The following HNF4G variants were observed in gnomAD, a reference collection of about 807,000 sequenced individuals.
The protein encoded by HNF4G is hepatocyte nuclear factor 4 gamma.
Under a neutral mutation model 50.9 loss-of-function variants are expected in HNF4G, and 21 were observed. That is an observed-to-expected ratio of 0.41 (90% CI 0.29 to 0.59). The LOEUF is 0.59. HNF4G is among the 20% of genes least tolerant of loss of function. The pLI is 0.26. For synonymous variants in HNF4G, 198 were observed against 185.6 expected, an observed-to-expected ratio of 1.07 and a Z score of -0.54; for missense variants, 527 against 559.4, an observed-to-expected ratio of 0.94 and a Z score of 0.58.
chr8:75,496,620 TA>T (rs1279938557), intron 2 of HNF4G, among the ~76,000 whole-genome samples: 1 of 151,956 alleles, frequency 6.6e-6, no homozygotes, highest in Non-Finnish European at 1.5e-5. Context: ...CTTAATTTAT[TA>T]AAAAAAGAAT....
chr8:75,441,969 G>A (rs1179185522), intron 1 of HNF4G, among the ~76,000 whole-genome samples: 1 of 152,120 alleles, frequency 6.6e-6, no homozygotes, highest in African/African-American at 2.4e-5. Flanking sequence ...TTACTATAAA[G>A]TAGAGAAAAT....
At chr8:75,552,888 T>C (rs1807000760) in intron 4 of HNF4G, among the ~76,000 whole-genome samples, 154 bp from the exon 5 acceptor site, 1 of 152,158 alleles carries the variant, frequency 6.6e-6, no homozygotes, top group African/African-American at 2.4e-5. Context: ...CAGTATTTCA[T>C]TTTTCAATTT....
intron 1 of HNF4G, among the ~76,000 whole-genome samples, chr8:75,456,874 G>A (rs1008229081): frequency 6.6e-6 from 1 of 151,702 alleles, no homozygotes; most frequent in African/African-American, 2.4e-5. Flanking sequence ...CTGAGTAGCT[G>A]GGACCCCAGA....
In HNF4G at chr8:75,481,484, G is replaced by GT. The variant is rs757058729; in HGVS notation, c.-143-8604dup. 3.7e-5 allele frequency among the ~76,000 whole-genome samples: 5 copies of GT among 133,766 alleles called. No homozygotes were observed. In the East Asian group the frequency reaches 8.4e-4, roughly 23 times the overall value. 87.8% of individuals were successfully genotyped at this position (133,766 alleles called of 152,430 possible). On this transcript the variant is annotated intron_variant, in intron 1 of 10. Transcript: ENST00000354370. ...TTCGTTCCCTGGAATTTTGAAAACA[G>GT]TAAGTTAGTATTATTTTTGAGCACT...
chr8:75,477,658 A>G (rs1344542543), intron 1 of HNF4G, among the ~76,000 whole-genome samples: 5 of 151,690 alleles, frequency 3.3e-5, no homozygotes, highest in African/African-American at 7.3e-5. Flanking sequence ...AAAAATATAT[A>G]TATAAATATA....
chr8:75,503,643 GT>G (rs1472627481), intron 2 of HNF4G, among the ~76,000 whole-genome samples: 3 of 152,180 alleles, frequency 2.0e-5, no homozygotes, highest in African/African-American at 7.2e-5. Flanking sequence ...AATCAGTGTT[GT>G]ACCTATAAAT....
chr8:75,465,941 G>A (rs1333330112), intron 1 of HNF4G, among the ~76,000 whole-genome samples: 5 of 152,042 alleles, frequency 3.3e-5, no homozygotes, highest in Non-Finnish European at 7.4e-5. Context: ...TTCCTTCCTA[G>A]TCACAGGTTA....
At chr8:75,497,179 G>C (rs1429305417) in intron 2 of HNF4G, among the ~76,000 whole-genome samples, 1 of 152,042 alleles carries the variant, frequency 6.6e-6, no homozygotes, top group Non-Finnish European at 1.5e-5. Context: ...TCTATTGGCA[G>C]AAAAGGTGGG....
intron 2 of HNF4G, among the ~76,000 whole-genome samples, chr8:75,532,372 C>T (rs1377890046): frequency 2.0e-5 from 3 of 151,950 alleles, no homozygotes; most frequent in Non-Finnish European, 2.9e-5. Flanking sequence ...ATACTGGTGA[C>T]ATTGCATACT....
chr8:75,425,687 A>T lies in HNF4G; in HGVS notation c.-144+17525A>T, dbSNP rs572531552. Among the ~76,000 whole-genome samples, 1,176 of 151,348 alleles carry T rather than the reference A, an allele frequency of 7.8e-3. 20 individuals carry two copies. The highest frequency in any genetic ancestry group is 0.026 in the African/African-American group (1,083 of 41,360). Reference sequence around the variant, plus strand: ...TACCCAAAAGTATCACTGGGCTCCTAACCAGGCAAAGATTAATTTCGCCTA... The same window carrying T: ...TACCCAAAAGTATCACTGGGCTCCTTACCAGGCAAAGATTAATTTCGCCTA... On this transcript the variant is annotated intron_variant, in intron 1 of 10. Coordinates refer to the HNF4G transcript ENST00000354370.
chr8:75,489,416 T>C (rs1812568708), intron 1 of HNF4G, among the ~76,000 whole-genome samples: 1 of 152,216 alleles, frequency 6.6e-6, no homozygotes, highest in South Asian at 2.1e-4. Context: ...AGAGATAAAC[T>C]GAACCTCATC....
chr8:75,480,518 C>A (rs1204419614), intron 1 of HNF4G, among the ~76,000 whole-genome samples: 3 of 152,082 alleles, frequency 2.0e-5, no homozygotes, highest in Non-Finnish European at 4.4e-5. Context: ...GTAAGTCCAA[C>A]TTTATTAATT....
intron 1 of HNF4G, among the ~76,000 whole-genome samples, chr8:75,454,264 G>A (rs761616916): frequency 2.3e-4 from 35 of 152,232 alleles, no homozygotes; most frequent in Non-Finnish European, 2.5e-4. Context: ...CAAGAACCGA[G>A]AGAAATAAAA....
rs552355213 is a variant in HNF4G at position 75,442,222 on chromosome 8, A to G, written c.-144+34060A>G. Among the ~76,000 whole-genome samples the G allele has an allele frequency of 1.7e-4, 26 of 152,294 alleles. No individual in the cohort carries two copies. In the South Asian group the frequency reaches 5.4e-3, roughly 32 times the overall value. The stretch of plus-strand genomic sequence containing the variant: ...AGAGAGTGGAGATTTAATCAAGTTA[A>G]GGTACCCAGGGCACATCGAAATTAC... On this transcript the variant is annotated intron_variant, in intron 1 of 10. Coordinates refer to the HNF4G transcript ENST00000354370.
intron 1 of HNF4G, among the ~76,000 whole-genome samples, chr8:75,459,645 C>T (rs1811800266): frequency 6.6e-6 from 1 of 152,028 alleles, no homozygotes; most frequent in African/African-American, 2.4e-5. Flanking sequence ...CATGTGAAAC[C>T]CAGGAGCTAA....
At chr8:75,431,960 C>T (rs1040224093) in intron 1 of HNF4G, among the ~76,000 whole-genome samples, 14 of 151,882 alleles carry the variant, frequency 9.2e-5, no homozygotes, top group African/African-American at 3.4e-4. Context: ...AAAATAGATG[C>T]TAAGTGCAGT....
intron 1 of HNF4G, among the ~76,000 whole-genome samples, chr8:75,422,715 G>T (rs1810801437): frequency 6.6e-6 from 1 of 151,248 alleles, no homozygotes; most frequent in African/African-American, 2.4e-5. Flanking sequence ...CTCACTGCAA[G>T]CTCCGCCTCC....
chr8:75,566,590 T>C lies in HNF4G; in HGVS notation c.*2494T>C, dbSNP rs1228904664. On this transcript the variant is annotated 3_prime_UTR_variant, in exon 10 of 10. Coordinates refer to ENST00000396423, the MANE Select transcript of HNF4G (RefSeq NM_004133.5). Reference sequence around the variant, plus strand: ...TGATGTTTTCAGCATATTTTCAAAATATTGATAAGGGAAGTTATTACTTTT... The same window carrying C: ...TGATGTTTTCAGCATATTTTCAAAACATTGATAAGGGAAGTTATTACTTTT... 6.6e-6 allele frequency: 1 copy of C among 152,484 alleles called. No homozygotes were observed. Among genetic ancestry groups the C allele is most frequent in the Non-Finnish European group, 1.5e-5 (1 of 67,990 alleles). The allele number at this position is 152,484 out of a possible 1,614,324, so 9.4% of individuals were successfully genotyped here.
intron 1 of HNF4G, among the ~76,000 whole-genome samples, chr8:75,443,765 T>C (rs561755250): frequency 1.4e-4 from 22 of 152,310 alleles, no homozygotes; most frequent in African/African-American, 4.1e-4. Context: ...ATCTTTTTTG[T>C]AGTTGTAATA....
Sources: gnomAD v4.1 joint callset for allele counts (sites outside exome capture counted in the v4.1 genomes callset) on GRCh38, gnomAD v4.1.1 for gene constraint, MANE v1.5 for transcripts, NCBI Gene and HGNC (gene_info 2026-07-23, HGNC 2026-07-21) for gene names.